The following SNTG2 variants were observed in gnomAD, a reference collection of about 807,000 sequenced individuals.
SNTG2 encodes the protein syntrophin gamma 2.
Under a neutral mutation model 70.9 loss-of-function variants are expected in SNTG2, and 74 were observed. The observed-to-expected ratio is 1.04, with a 90% CI of 0.86 to 1.27. The LOEUF (loss-of-function observed/expected upper bound fraction) is 1.27. SNTG2 is among the 50% of genes most tolerant of loss of function. The pLI, the probability that SNTG2 is intolerant of heterozygous loss-of-function variation, is 0.00. For missense variants in SNTG2, 717 were observed against 690.7 expected (o/e 1.04, Z -0.43); for synonymous variants, 278 against 273.8 (o/e 1.02, Z -0.15).
intron 9 of SNTG2, among the ~76,000 whole-genome samples, chr2:1,211,033 T>C (rs950501535): frequency 2.6e-5 from 4 of 152,236 alleles, no homozygotes; most frequent in Non-Finnish European, 5.9e-5. Flanking sequence ...ATATAGATGA[T>C]TTATTGCAGT....
chr2:1,286,938 G>A (rs944562309), intron 14 of SNTG2, among the ~76,000 whole-genome samples: 2 of 152,206 alleles, frequency 1.3e-5, no homozygotes, highest in Non-Finnish European at 2.9e-5. Flanking sequence ...ACTGAAGGAG[G>A]CAGACATGCT....
chr2:999,445 G>A (rs1301586486), intron 1 of SNTG2, among the ~76,000 whole-genome samples: 1 of 151,882 alleles, frequency 6.6e-6, no homozygotes, highest in Non-Finnish European at 1.5e-5. Context: ...GTAAAAATGT[G>A]GAAAAAATAT....
At chr2:1,330,923 G>T (rs777900375) in intron 16 of SNTG2, among the ~76,000 whole-genome samples, 10 of 152,142 alleles carry the variant, frequency 6.6e-5, no homozygotes, top group Non-Finnish European at 1.3e-4. Flanking sequence ...ATGTGTGCCG[G>T]TTGATGAGTG....
At chr2:1,073,309 T>A (rs1663696214) in intron 1 of SNTG2, among the ~76,000 whole-genome samples, 1 of 152,150 alleles carries the variant, frequency 6.6e-6, no homozygotes, top group Non-Finnish European at 1.5e-5. Flanking sequence ...TTTTAAGAAA[T>A]TACCACAGCC....
chr2:1,231,231 A>C (rs918675737), intron 9 of SNTG2, among the ~76,000 whole-genome samples: 2 of 151,902 alleles, frequency 1.3e-5, no homozygotes, highest in African/African-American at 4.8e-5. Context: ...ACTTAGGATA[A>C]TGACAGTGCC....
In SNTG2 at chr2:1,071,036, G is replaced by A. The variant is rs115086346; in HGVS notation, c.73-12482G>A. Among the ~76,000 whole-genome samples, 1,294 of 152,286 alleles carry A rather than the reference G, an allele frequency of 8.5e-3. 17 individuals are homozygous for A. The highest frequency in any genetic ancestry group is 0.029 in the African/African-American group (1,217 of 41,552). On this transcript the variant is annotated intron_variant, in intron 1 of 16. Coordinates refer to ENST00000308624, the MANE Select transcript of SNTG2 (RefSeq NM_018968.4). Reference sequence around the variant, plus strand: ...ATACTGGGGGGTGGCCACACTCGACGCAGGCAGTGGGACTGGTGCAGAGGA... The same window carrying A: ...ATACTGGGGGGTGGCCACACTCGACACAGGCAGTGGGACTGGTGCAGAGGA...
intron 2 of SNTG2, among the ~76,000 whole-genome samples, chr2:1,096,744 C>A (rs1375225751): frequency 1.3e-5 from 2 of 152,172 alleles, no homozygotes; most frequent in Non-Finnish European, 2.9e-5. Flanking sequence ...TGGGTTGTAT[C>A]CATATCTTGG....
intron 2 of SNTG2, among the ~76,000 whole-genome samples, chr2:1,094,253 C>A (rs13423457): frequency 7.4e-5 from 3 of 40,414 alleles, no homozygotes; most frequent in African/African-American, 7.6e-5. Context: ...AGCTTCCTGG[C>A]CTGCAGGCAA....
intron 1 of SNTG2, among the ~76,000 whole-genome samples, chr2:1,076,040 G>C (rs1174852238): frequency 6.6e-6 from 1 of 152,174 alleles, no homozygotes; most frequent in African/African-American, 2.4e-5. Context: ...ACGTGTCTGT[G>C]GCTCGCTCCA....
intron 7 of SNTG2, among the ~76,000 whole-genome samples, chr2:1,166,601 G>C (rs529395788): frequency 2.0e-5 from 3 of 152,202 alleles, no homozygotes. Flanking sequence ...TGATACAGGA[G>C]GGGGGCAGGG....
chr2:986,635 C>T (rs1661333582), intron 1 of SNTG2, among the ~76,000 whole-genome samples: 1 of 152,188 alleles, frequency 6.6e-6, no homozygotes, highest in South Asian at 2.1e-4. Flanking sequence ...GCCTCTACCT[C>T]CTTAAAGACT....
chr2:1,162,380 G>A (rs1670375715), intron 6 of SNTG2, among the ~76,000 whole-genome samples: 2 of 152,172 alleles, frequency 1.3e-5, no homozygotes, highest in South Asian at 4.1e-4. Flanking sequence ...GCTGTGTGTG[G>A]CCTGGTCCTT....
chr2:1,048,435 TATAG>T (rs1351068481), intron 1 of SNTG2, among the ~76,000 whole-genome samples: 10 of 152,124 alleles, frequency 6.6e-5, no homozygotes, highest in East Asian at 3.9e-4. Flanking sequence ...TCTCTCCATA[TATAG>T]ATAGATAGAT....
intron 1 of SNTG2, among the ~76,000 whole-genome samples, chr2:1,023,802 T>C (rs12475998): frequency 0.081 from 12,306 of 152,250 alleles, 718 homozygotes; most frequent in Admixed American, 0.2. Context: ...AGGAGAGTTG[T>C]GTGTGTGCCA....
At chr2:987,769 G>T (rs539388198) in intron 1 of SNTG2, among the ~76,000 whole-genome samples, 2 of 152,258 alleles carry the variant, frequency 1.3e-5, no homozygotes, top group South Asian at 4.1e-4. Flanking sequence ...AGGGTTGATG[G>T]GGCCTCCGCA....
intron 14 of SNTG2, among the ~76,000 whole-genome samples, chr2:1,290,658 C>CT (rs1402714015): frequency 2.6e-5 from 4 of 152,120 alleles, no homozygotes; most frequent in Non-Finnish European, 4.4e-5. Context: ...CATGAGAACT[C>CT]TATCACAAGA....
intron 9 of SNTG2, among the ~76,000 whole-genome samples, chr2:1,224,513 G>T (rs1309856353): frequency 2.0e-5 from 3 of 152,136 alleles, no homozygotes; most frequent in Admixed American, 2.0e-4. Flanking sequence ...TTACCTCAGA[G>T]ACCAAATCTC....
chr2:1,282,548 T>C (rs1360019531), intron 14 of SNTG2, among the ~76,000 whole-genome samples: 2 of 152,142 alleles, frequency 1.3e-5, no homozygotes, highest in Non-Finnish European at 2.9e-5. Context: ...TTAATTATAA[T>C]CCCCAAAATT....
At chr2:1,102,452 G>C (rs548374639) in intron 4 of SNTG2, 2 of 152,570 alleles carry the variant, frequency 1.3e-5, no homozygotes, top group Non-Finnish European at 2.9e-5. Context: ...GATGTCCTTG[G>C]AGGCTCCACG....
Sources: gnomAD v4.1 joint callset for allele counts (sites outside exome capture counted in the v4.1 genomes callset) on GRCh38, gnomAD v4.1.1 for gene constraint, MANE v1.5 for transcripts, NCBI Gene and HGNC (gene_info 2026-07-23, HGNC 2026-07-21) for gene names.